The following CNOT10 variants were observed in gnomAD, a reference collection of about 807,000 sequenced individuals.
The protein encoded by CNOT10 is CCR4-NOT transcription complex, subunit 10.
Under a neutral mutation model 94.6 loss-of-function variants are expected in CNOT10, and 30 were observed. The ratio of observed to expected loss-of-function variants is 0.32; its 90% CI spans 0.24 to 0.43. The LOEUF is 0.43. CNOT10 is among the 20% of genes least tolerant of loss of function. The pLI, the probability that CNOT10 is intolerant of heterozygous loss-of-function variation, is 1.00. For missense variants in CNOT10, 759 were observed against 877.2 expected (o/e 0.87, Z 1.70); for synonymous variants, 289 against 301.6 (o/e 0.96, Z 0.43).
At chr3:32,718,441 G>A (rs897370986) in intron 7 of CNOT10, among the ~76,000 whole-genome samples, 8 of 150,462 alleles carry the variant, frequency 5.3e-5, no homozygotes, top group African/African-American at 1.2e-4. Flanking sequence ...AAAATGAGCC[G>A]GGCGTGGTGG....
At chr3:32,762,436 A>G (rs1700494832) in intron 14 of CNOT10, among the ~76,000 whole-genome samples, 3 of 151,574 alleles carry the variant, frequency 2.0e-5, no homozygotes, top group Non-Finnish European at 4.4e-5. Context: ...CGCCCAGCTA[A>G]TTTTTGTATT....
At position 32,773,509 on chromosome 3, in the gene CNOT10, A is replaced by G; in HGVS notation, c.2133A>G (p.Ala711=). 1 of 1,614,172 alleles carries G rather than the reference A, an allele frequency of 6.2e-7. No individual in the cohort carries two copies. Among genetic ancestry groups the G allele is most frequent in the Non-Finnish European group, 8.5e-7 (1 of 1,180,022 alleles). ...QIIKRNQLLP[A]VKTHSEVRKK... ...TCAAAAGGAATCAGCTGCTCCCTGC[A>G]GTGAAAACACACTCTGAAGTGAGAA... The change falls in exon 19 of 19, where the codon GCA becomes GCG. Residue 711 remains alanine (A), a synonymous_variant. Coordinates refer to ENST00000328834, the MANE Select transcript of CNOT10 (RefSeq NM_015442.3).
chr3:32,698,336 A>G (rs1320242753), intron 1 of CNOT10, among the ~76,000 whole-genome samples: 1 of 152,212 alleles, frequency 6.6e-6, no homozygotes, highest in Non-Finnish European at 1.5e-5. Flanking sequence ...CCTTTTTTAT[A>G]CAGCAGATAA....
At chr3:32,727,933 T>TA (rs60100965) in intron 10 of CNOT10, 63 bp downstream of exon 10, 75,691 of 751,552 alleles carry the variant, frequency 0.1, 3 homozygotes, top group South Asian at 0.13. Context: ...ATGGAATGGT[T>TA]AAAAAAAAAA....
rs144486334 is a variant in CNOT10 at position 32,706,473 on chromosome 3, A to G, written c.279+1501A>G. Reference sequence around the variant, plus strand: ...CCTAGAAGTGTTTGTACTTGTGGTTACTGACTTCTTTAAATCATACTTCTG... The same window carrying G: ...CCTAGAAGTGTTTGTACTTGTGGTTGCTGACTTCTTTAAATCATACTTCTG... On this transcript the variant is annotated intron_variant, in intron 3 of 18. Transcript: ENST00000328834. Among the ~76,000 whole-genome samples, 334 of 152,314 alleles carry G rather than the reference A, an allele frequency of 2.2e-3. 1 individual carries two copies. Among genetic ancestry groups the G allele is most frequent in the Non-Finnish European group, 3.6e-3 (246 of 68,024 alleles).
At chr3:32,686,194 C>T (rs1175438701) in intron 1 of CNOT10, among the ~76,000 whole-genome samples, 1 of 152,198 alleles carries the variant, frequency 6.6e-6, no homozygotes, top group African/African-American at 2.4e-5. Flanking sequence ...TTCCTAGAAT[C>T]TTCCACATTA....
chr3:32,762,972 A>G, intron 15 of CNOT10, 109 bp downstream of exon 15: 1 of 1,249,490 alleles, frequency 8.0e-7, no homozygotes, highest in Non-Finnish European at 1.1e-6. Flanking sequence ...AGAAAGTTTT[A>G]GGTTGGCTTT....
intron 4 of CNOT10, among the ~76,000 whole-genome samples, chr3:32,710,168 AAG>A (rs1232748866): frequency 1.3e-5 from 2 of 149,924 alleles, no homozygotes; most frequent in African/African-American, 2.5e-5. Flanking sequence ...AAAAAAAAAA[AAG>A]AGAATTTCCT....
rs550313442 is a variant in CNOT10 at position 32,720,283 on chromosome 3, C to T, written c.862+52C>T. Reference sequence around the variant, plus strand: ...TTTTTTTTGCCTTGCTCTTCTACCCCTTCTTGCTTGTCCACCTCCCAACAC... The same window carrying T: ...TTTTTTTTGCCTTGCTCTTCTACCCTTTCTTGCTTGTCCACCTCCCAACAC... On this transcript the variant is annotated intron_variant, in intron 8 of 18. Transcript: ENST00000328834. The T allele has an allele frequency of 2.3e-4, 188 of 833,962 alleles. No individual in the cohort carries two copies. The African/African-American group carries it at 2.9e-3, about 13-fold the overall frequency. 51.7% of individuals were successfully genotyped at this position (833,962 alleles called of 1,614,324 possible).
intron 13 of CNOT10, among the ~76,000 whole-genome samples, chr3:32,749,644 C>A (rs551230140): frequency 6.6e-6 from 1 of 151,360 alleles, no homozygotes; most frequent in South Asian, 2.1e-4. Flanking sequence ...ACCCAACTTT[C>A]GGTGATCTGC....
intron 1 of CNOT10, chr3:32,695,968 A>AGTGTGTGTGTGTGTGT (rs764702440): frequency 8.5e-5 from 37 of 433,156 alleles, no homozygotes; most frequent in African/African-American, 7.8e-4. Context: ...TGTTGAAGAG[A>AGTGTGTGTGTGTGTGT]GTGTGTGTGT....
chr3:32,724,159 A>T (rs1035744558), intron 8 of CNOT10, among the ~76,000 whole-genome samples: 10 of 152,022 alleles, frequency 6.6e-5, no homozygotes, highest in African/African-American at 2.2e-4. Context: ...ACATGAAAAG[A>T]TGCTTAGCTG....
At chr3:32,752,532 ACTT>A (rs1230626134) in intron 13 of CNOT10, among the ~76,000 whole-genome samples, 1 of 152,154 alleles carries the variant, frequency 6.6e-6, no homozygotes, top group Non-Finnish European at 1.5e-5. Context: ...TAAAGATAAA[ACTT>A]CTTTAGCTTT....
In CNOT10 at chr3:32,700,112, A is replaced by G. The variant is rs192411389; in HGVS notation, c.23-3756A>G. On this transcript the variant is annotated intron_variant, in intron 1 of 18. Transcript: ENST00000328834. ...TGCTCCAGCCTCCCAAGTAGCTGAG[A>G]CTGCAGGCATGCACCACCATGCCCG... Among the ~76,000 whole-genome samples the G allele has an allele frequency of 4.0e-5, 6 of 151,716 alleles. No individual in the cohort carries two copies. The East Asian group carries it at 1.2e-3, about 30-fold the overall frequency.
At chr3:32,706,444 G>A (rs1219254653) in intron 3 of CNOT10, among the ~76,000 whole-genome samples, 3 of 152,158 alleles carry the variant, frequency 2.0e-5, no homozygotes, top group African/African-American at 7.2e-5. Context: ...CAACTCTTGA[G>A]TTTCCTAGAA....
At chr3:32,735,447 C>T (rs1231366837) in intron 12 of CNOT10, among the ~76,000 whole-genome samples, 2 of 152,148 alleles carry the variant, frequency 1.3e-5, no homozygotes, top group Non-Finnish European at 2.9e-5. Context: ...GGGGCTCACG[C>T]CTGTAATCCC....
chr3:32,710,087 C>T (rs886100068), intron 4 of CNOT10, among the ~76,000 whole-genome samples: 1 of 140,996 alleles, frequency 7.1e-6, no homozygotes, highest in African/African-American at 2.7e-5. Flanking sequence ...GCCGAGGTTG[C>T]AGTGAGCCAA....
chr3:32,686,315 A>T (rs1408879218), intron 1 of CNOT10, among the ~76,000 whole-genome samples: 1 of 152,250 alleles, frequency 6.6e-6, no homozygotes, highest in East Asian at 1.9e-4. Context: ...AGGATTTAAA[A>T]GTGATGGAAC....
chr3:32,686,085 A>G (rs78500802), intron 1 of CNOT10, among the ~76,000 whole-genome samples: 3,181 of 152,248 alleles, frequency 0.021, 62 homozygotes, highest in Middle Eastern at 0.075. Flanking sequence ...TTGTCTCTCT[A>G]CAGTCTGTGC....
Sources: allele counts gnomAD v4.1 joint callset (sites outside exome capture counted in the v4.1 genomes callset), GRCh38; gene constraint gnomAD v4.1.1; transcripts MANE v1.5; gene names NCBI Gene and HGNC (gene_info 2026-07-23, HGNC 2026-07-21).